Variants in MYO3B observed in about 807,000 individuals in gnomAD.
MYO3B encodes the protein myosin-IIIb.
MYO3B carries 156 observed loss-of-function variants against 174.6 expected under a neutral mutation model. The ratio of observed to expected loss-of-function variants is 0.89; its 90% CI spans 0.78 to 1.02. The LOEUF is 1.02. Ranked by LOEUF, MYO3B falls within the 50% of genes least tolerant of loss-of-function variation. The probability of loss-of-function intolerance (pLI) is 0.00; values close to 1 mark genes in which losing one functional copy is unlikely to be tolerated. For synonymous variants in MYO3B, 563 were observed against 569.1 expected, an observed-to-expected ratio of 0.99 and a Z score of 0.15; for missense variants, 1,632 against 1,639.4, an observed-to-expected ratio of 1.00 and a Z score of 0.08.
At chr2:170,350,417 G>GCTT (rs1293738736) in intron 8 of MYO3B, 4 of 152,134 alleles carry the variant, frequency 2.6e-5, no homozygotes, top group African/African-American at 9.7e-5. Context: ...CTCTCCAAAA[G>GCTT]CTTCTGCCCA....
intron 23 of MYO3B, among the ~76,000 whole-genome samples, chr2:170,457,686 A>C (rs1460768568): frequency 6.6e-6 from 1 of 152,206 alleles, no homozygotes; most frequent in Non-Finnish European, 1.5e-5. Context: ...GACCTGCCTG[A>C]GGCTGTTCCA....
intron 7 of MYO3B, among the ~76,000 whole-genome samples, chr2:170,285,196 T>C (rs2093545699): frequency 6.6e-6 from 1 of 152,212 alleles, no homozygotes; most frequent in South Asian, 2.1e-4. Context: ...AGGGTGAAGA[T>C]TTCTCTGGAG....
intron 23 of MYO3B, among the ~76,000 whole-genome samples, chr2:170,444,944 A>G (rs1395617246): frequency 6.6e-6 from 1 of 152,166 alleles, no homozygotes; most frequent in Non-Finnish European, 1.5e-5. Flanking sequence ...GTAAAATTTT[A>G]TCTGTATTTA....
chr2:170,454,207 A>G (rs1339190809), intron 23 of MYO3B, among the ~76,000 whole-genome samples: 1 of 152,200 alleles, frequency 6.6e-6, no homozygotes, highest in Non-Finnish European at 1.5e-5. Context: ...TTCCTGATTG[A>G]GGAGAAATCT....
intron 32 of MYO3B, among the ~76,000 whole-genome samples, chr2:170,608,495 C>G (rs1358296750): frequency 1.3e-5 from 2 of 152,150 alleles, no homozygotes; most frequent in Non-Finnish European, 2.9e-5. Context: ...TGATAAACAG[C>G]ATTTCTCTTA....
chr2:170,648,711 CTATAT>C (rs1169481089), intron 32 of MYO3B, among the ~76,000 whole-genome samples: 4 of 80,746 alleles, frequency 5.0e-5, no homozygotes, highest in African/African-American at 7.3e-5. Flanking sequence ...ATATTATATT[CTATAT>C]AATATGTAAA....
At chr2:170,631,779 G>T (rs1697008190) in intron 32 of MYO3B, among the ~76,000 whole-genome samples, 1 of 152,076 alleles carries the variant, frequency 6.6e-6, no homozygotes, top group East Asian at 1.9e-4. Context: ...ACACACACAG[G>T]CTCAAAATAA....
intron 22 of MYO3B, among the ~76,000 whole-genome samples, chr2:170,428,830 C>T (rs902109294): frequency 6.6e-6 from 1 of 152,184 alleles, no homozygotes; most frequent in Non-Finnish European, 1.5e-5. Flanking sequence ...TTCTCAAACT[C>T]CTCATTTGAC....
At chr2:170,352,804 C>T (rs2094086063) in intron 8 of MYO3B, among the ~76,000 whole-genome samples, 1 of 152,200 alleles carries the variant, frequency 6.6e-6, no homozygotes, top group African/African-American at 2.4e-5. Flanking sequence ...TCCTCATAGT[C>T]TTCCTACTGC....
chr2:170,424,472 C>T (rs1003620777), intron 22 of MYO3B, among the ~76,000 whole-genome samples: 1 of 152,050 alleles, frequency 6.6e-6, no homozygotes, highest in Admixed American at 6.6e-5. Flanking sequence ...TAAAAATTAG[C>T]TGGGCATGTT....
intron 30 of MYO3B, among the ~76,000 whole-genome samples, chr2:170,522,300 C>T (rs1688718445): frequency 6.6e-6 from 1 of 152,044 alleles, no homozygotes. Context: ...CAGAAAAGCC[C>T]CTCCTAAAGC....
chr2:170,380,407 TAGAC>T (rs1307492282), intron 9 of MYO3B, among the ~76,000 whole-genome samples: 4 of 152,354 alleles, frequency 2.6e-5, no homozygotes, highest in South Asian at 2.1e-4. Flanking sequence ...ACCTGGGAGA[TAGAC>T]AGATCAGTTA....
At chr2:170,183,821 A>C (rs911347458) in intron 1 of MYO3B, among the ~76,000 whole-genome samples, 3 of 152,118 alleles carry the variant, frequency 2.0e-5, no homozygotes, top group African/African-American at 7.2e-5. Flanking sequence ...GGTTTGAGAG[A>C]TATGTTTCTG....
chr2:170,568,280 T>C (rs886680158), intron 32 of MYO3B, among the ~76,000 whole-genome samples: 1 of 152,198 alleles, frequency 6.6e-6, no homozygotes, highest in African/African-American at 2.4e-5. Flanking sequence ...TCCCAGATAC[T>C]ATGCACAATG....
intron 7 of MYO3B, among the ~76,000 whole-genome samples, chr2:170,270,040 A>G (rs543273644): frequency 3.3e-5 from 5 of 152,238 alleles, no homozygotes; most frequent in Non-Finnish European, 5.9e-5. Flanking sequence ...GCAGATTATT[A>G]TGCACAATAT....
rs529186581 is a variant in MYO3B, at chr2:170,248,027, T to C, written c.749+11891T>C. On this transcript the variant is annotated intron_variant, in intron 7 of 34. Coordinates refer to ENST00000408978, the MANE Select transcript of MYO3B (RefSeq NM_138995.5). ...GGCCTCACATTCTTGGTGGCAAATT[T>C]GGCTTGCTCTCTGGATTCATGGTTC... Among the ~76,000 whole-genome samples the C allele has an allele frequency of 1.8e-4, 27 of 152,300 alleles. 1 individual carries two copies. The South Asian group carries it at 5.6e-3, about 32-fold the overall frequency.
chr2:170,313,940 G>A lies in MYO3B; in HGVS notation c.750-21445G>A, dbSNP rs73015000. On this transcript the variant is annotated intron_variant, in intron 7 of 34. Transcript: ENST00000408978. ...TCATGACTCACACACAGCCCTGCAT[G>A]GATAATTACTGCCATTCATTACTGG... Among the ~76,000 whole-genome samples the A allele has an allele frequency of 4.9e-3, 742 of 152,200 alleles. 10 individuals carry two copies. Among genetic ancestry groups the A allele is most frequent in the African/African-American group, 0.017 (699 of 41,534 alleles).
At chr2:170,609,016 A>C (rs1694984803) in intron 32 of MYO3B, among the ~76,000 whole-genome samples, 1 of 152,230 alleles carries the variant, frequency 6.6e-6, no homozygotes, top group African/African-American at 2.4e-5. Context: ...ACATTGCTTA[A>C]ATTTTCATAA....
intron 22 of MYO3B, among the ~76,000 whole-genome samples, chr2:170,415,966 C>T (rs1387365201): frequency 1.3e-5 from 2 of 152,162 alleles, no homozygotes; most frequent in African/African-American, 4.8e-5. Context: ...GCCCCAGTAC[C>T]TCAGAATGTG....
Sources: allele counts gnomAD v4.1 joint callset (sites outside exome capture counted in the v4.1 genomes callset), GRCh38; gene constraint gnomAD v4.1.1; transcripts MANE v1.5; gene names NCBI Gene and HGNC (gene_info 2026-07-23, HGNC 2026-07-21).